CHD1L: variants seen among roughly 807,000 people sequenced by gnomAD.
CHD1L encodes the protein chromodomain helicase DNA binding protein 1 like.
Under a neutral mutation model 115.9 loss-of-function variants are expected in CHD1L, and 118 were observed. The ratio of observed to expected loss-of-function variants is 1.02; its 90% CI spans 0.88 to 1.19. CHD1L has a LOEUF of 1.19. Among genes scored for constraint, CHD1L ranks in the 50% most tolerant of loss-of-function variants. CHD1L has a pLI of 0.00. For synonymous variants in CHD1L, 411 were observed against 387.1 expected, an observed-to-expected ratio of 1.06 and a Z score of -0.72; for missense variants, 1,179 against 1,065.3, an observed-to-expected ratio of 1.11 and a Z score of -1.49.
the CHD1L span, among the ~76,000 whole-genome samples, chr1:147,193,944 C>G: frequency 6.6e-6 from 1 of 151,802 alleles, no homozygotes; most frequent in African/African-American, 2.4e-5. Flanking sequence ...ATCAATTTTG[C>G]AATAGGTGTG....
chr1:147,184,606 G>C, the CHD1L span: 10 of 1,547,470 alleles, frequency 6.5e-6, no homozygotes, highest in Non-Finnish European at 8.7e-6. The surrounding 1 kb of genome is among the most constrained non-coding windows in gnomAD (Gnocchi z 4.4). Context: ...ACTTGGGTTT[G>C]TCTGATGTTT....
chr1:147,186,851 T>G, the CHD1L span: 20 of 1,563,712 alleles, frequency 1.3e-5, no homozygotes, highest in Non-Finnish European at 1.6e-5. Flanking sequence ...TCTGAAGGCA[T>G]CTGTAGATAA....
At chr1:147,251,936 G>A (rs1407659017) in intron 1 of CHD1L, among the ~76,000 whole-genome samples, 1 of 152,134 alleles carries the variant, frequency 6.6e-6, no homozygotes, top group Non-Finnish European at 1.5e-5. Context: ...AAAGGTATAA[G>A]TTAAACCAGA....
the CHD1L span, chr1:147,212,558 T>C: frequency 1.9e-6 from 3 of 1,605,276 alleles, no homozygotes; most frequent in South Asian, 3.3e-5. Flanking sequence ...GGAAAATAAT[T>C]ATTGGGTAAT....
the CHD1L span, among the ~76,000 whole-genome samples, chr1:147,181,683 CTT>C: frequency 4.6e-5 from 7 of 152,188 alleles, no homozygotes; most frequent in Admixed American, 3.9e-4. Context: ...GTATTTTTCT[CTT>C]GTCATGTTTA....
At position 147,294,736 on chromosome 1, in the gene CHD1L, G is replaced by A. The variant is rs587613187; in HGVS notation, c.2615+219G>A. Among the ~76,000 whole-genome samples, 43 of 152,298 alleles carry A rather than the reference G, an allele frequency of 2.8e-4. No individual in the cohort carries two copies. The South Asian group carries it at 5.0e-3, about 18-fold the overall frequency. On this transcript the variant is annotated intron_variant, in intron 22 of 22. Coordinates refer to ENST00000369258, the MANE Select transcript of CHD1L (RefSeq NM_004284.6). ...CACATCCAAGCATTTCTGGATGCCAGCAGATAAATTAAAAGATACATGAAG... is the reference window on the plus strand; with the variant it reads ...CACATCCAAGCATTTCTGGATGCCAACAGATAAATTAAAAGATACATGAAG...
chr1:147,278,418 T>C (rs1572030805), intron 14 of CHD1L, among the ~76,000 whole-genome samples: 2 of 151,772 alleles, frequency 1.3e-5, no homozygotes, highest in South Asian at 4.2e-4. Context: ...AGAGACGGGG[T>C]TTCACCATGT....
the CHD1L span, among the ~76,000 whole-genome samples, chr1:147,233,045 G>C: frequency 3.3e-5 from 5 of 152,032 alleles, no homozygotes; most frequent in African/African-American, 1.2e-4. Context: ...ATCCCATCTA[G>C]GAAGTGAGGA....
At chr1:147,293,806 C>G (rs1686516746) in intron 21 of CHD1L, 84 bp downstream of exon 21, 12 of 1,118,112 alleles carry the variant, frequency 1.1e-5, no homozygotes, top group Non-Finnish European at 1.2e-5. Flanking sequence ...TAAGAAATGT[C>G]AAGATCCCAC....
the CHD1L span, among the ~76,000 whole-genome samples, chr1:147,183,335 GT>G: frequency 2.6e-5 from 4 of 152,236 alleles, no homozygotes; most frequent in East Asian, 7.7e-4. Flanking sequence ...ATTATTCACT[GT>G]TTGATTTAAT....
At chr1:147,256,694 C>A in intron 5 of CHD1L, 132 bp downstream of exon 5, 2 of 800,894 alleles carry the variant, frequency 2.5e-6, no homozygotes, top group Non-Finnish European at 4.1e-6. Context: ...TATGGGTAGG[C>A]GGCATGGTGG....
At chr1:147,262,981 T>C (rs908840881) in intron 6 of CHD1L, among the ~76,000 whole-genome samples, 1 of 152,160 alleles carries the variant, frequency 6.6e-6, no homozygotes, top group African/African-American at 2.4e-5. Context: ...ATATATATTA[T>C]TTAAAAAGTC....
At chr1:147,179,332 G>C in the CHD1L span, 27 of 1,605,234 alleles carry the variant, frequency 1.7e-5, no homozygotes, top group Non-Finnish European at 2.2e-5. Flanking sequence ...CCCTTGGTGT[G>C]GTCACTGTAA....
intron 15 of CHD1L, 36 bp downstream of exon 15, chr1:147,280,227 C>A (rs782223423): frequency 6.6e-7 from 1 of 1,526,688 alleles, no homozygotes; most frequent in South Asian, 1.3e-5. Flanking sequence ...AATGGCACAA[C>A]CACCCCAAGC....
At chr1:147,182,791 C>G in the CHD1L span, among the ~76,000 whole-genome samples, 1 of 152,112 alleles carries the variant, frequency 6.6e-6, no homozygotes, top group Non-Finnish European at 1.5e-5. Context: ...ATATATATAC[C>G]CTACCTTCTT....
intron 1 of CHD1L, among the ~76,000 whole-genome samples, chr1:147,250,770 A>G (rs1250987388): frequency 7.0e-6 from 1 of 143,426 alleles, no homozygotes; most frequent in African/African-American, 2.6e-5. Flanking sequence ...CTGTCTTGCT[A>G]GGCTGCCATT....
the CHD1L span, chr1:147,184,350 TG>T: frequency 1.1e-6 from 1 of 873,234 alleles, no homozygotes; most frequent in Non-Finnish European, 1.6e-6. This position sits in a 1 kb window ranked among gnomAD's most constrained non-coding sequence, Gnocchi z 4.4. Flanking sequence ...TACATTCCTC[TG>T]GTACATTTGT....
chr1:147,286,179 T>G, intron 17 of CHD1L, 119 bp from the exon 18 acceptor site: 5 of 943,758 alleles, frequency 5.3e-6, no homozygotes, highest in Non-Finnish European at 7.8e-6. Flanking sequence ...TCAATCAGGG[T>G]GAGTTTCTAA....
the CHD1L span, among the ~76,000 whole-genome samples, chr1:147,192,419 A>G: frequency 6.6e-6 from 1 of 152,052 alleles, no homozygotes; most frequent in Non-Finnish European, 1.5e-5. Flanking sequence ...GGGCTGAGAC[A>G]ATGGGGTTTT....
Sources: gnomAD v4.1 joint callset for allele counts (sites outside exome capture counted in the v4.1 genomes callset) on GRCh38, gnomAD v4.1.1 for gene constraint, Gnocchi (gnomAD v3.1) non-coding constraint, MANE v1.5 for transcripts, NCBI Gene and HGNC (gene_info 2026-07-23, HGNC 2026-07-21) for gene names.